Variants in SEMA6D observed in about 807,000 individuals in gnomAD.
The protein encoded by SEMA6D is semaphorin-6D.
SEMA6D carries 35 observed loss-of-function variants against 106.6 expected under a neutral mutation model. The ratio of observed to expected loss-of-function variants is 0.33; its 90% CI spans 0.25 to 0.44. The LOEUF (loss-of-function observed/expected upper bound fraction) is 0.44. Ranked by LOEUF, SEMA6D falls within the 20% of genes least tolerant of loss-of-function variation. SEMA6D has a pLI of 1.00. For missense variants in SEMA6D, 1,185 were observed against 1,345.9 expected (o/e 0.88, Z 1.87); for synonymous variants, 499 against 487.7 (o/e 1.02, Z -0.31).
At chr15:47,283,253 A>G (rs2035211773) in intron 1 of SEMA6D, among the ~76,000 whole-genome samples, 2 of 152,174 alleles carry the variant, frequency 1.3e-5, no homozygotes, top group Non-Finnish European at 2.9e-5. Flanking sequence ...AGGCACAATC[A>G]GCAGAAGGAA....
chr15:47,384,669 C>T (rs2039754825), intron 1 of SEMA6D, among the ~76,000 whole-genome samples: 1 of 152,164 alleles, frequency 6.6e-6, no homozygotes, highest in Non-Finnish European at 1.5e-5. Context: ...TCTGTGTCCC[C>T]CACCCTTATT....
chr15:47,327,612 T>C (rs974784615), intron 1 of SEMA6D, among the ~76,000 whole-genome samples: 3 of 152,178 alleles, frequency 2.0e-5, no homozygotes, highest in Non-Finnish European at 2.9e-5. Flanking sequence ...GTAGAAAATA[T>C]AAAAACAAGG....
chr15:47,744,999 G>A (rs753357636), intron 1 of SEMA6D, among the ~76,000 whole-genome samples: 1 of 152,182 alleles, frequency 6.6e-6, no homozygotes, highest in Non-Finnish European at 1.5e-5. Context: ...CAGATCCTTA[G>A]AGGCTGAGTT....
intron 3 of SEMA6D, among the ~76,000 whole-genome samples, chr15:47,573,473 C>G (rs2076100163): frequency 6.6e-6 from 1 of 152,168 alleles, no homozygotes. Context: ...TCTAAAGTGG[C>G]CTTTACGTCA....
intron 3 of SEMA6D, among the ~76,000 whole-genome samples, chr15:47,491,579 G>T (rs989099056): frequency 6.6e-6 from 1 of 152,134 alleles, no homozygotes; most frequent in Non-Finnish European, 1.5e-5. Flanking sequence ...GAATGGCAAG[G>T]TGCTCATTAA....
intron 1 of SEMA6D, chr15:47,399,552 G>C (rs1340450796): frequency 2.0e-5 from 3 of 152,194 alleles, no homozygotes; most frequent in African/African-American, 7.2e-5. Flanking sequence ...ACCAATAAAA[G>C]AGGATTTGCT....
intron 1 of SEMA6D, chr15:47,275,129 G>A (rs1030471616): frequency 1.3e-5 from 2 of 152,126 alleles, no homozygotes; most frequent in African/African-American, 4.8e-5. Flanking sequence ...CCAGTGGGAA[G>A]AAACAACACT....
intron 3 of SEMA6D, among the ~76,000 whole-genome samples, chr15:47,481,806 T>C (rs1184454196): frequency 6.6e-6 from 1 of 152,148 alleles, no homozygotes; most frequent in East Asian, 1.9e-4. Flanking sequence ...GCCTTACCTG[T>C]TTAAGATACA....
intron 1 of SEMA6D, chr15:47,730,994 A>C (rs1395876257): frequency 1.6e-6 from 1 of 623,266 alleles, no homozygotes. Context: ...CAGTACAATC[A>C]AATACCATGC....
At chr15:47,245,292 G>A (rs1437239923) in intron 1 of SEMA6D, among the ~76,000 whole-genome samples, 2 of 152,140 alleles carry the variant, frequency 1.3e-5, no homozygotes, top group African/African-American at 4.8e-5. Flanking sequence ...TTTCTACAGT[G>A]GCTGAGCTAA....
chr15:47,252,325 G>T (rs2033568707), intron 1 of SEMA6D, among the ~76,000 whole-genome samples: 1 of 152,030 alleles, frequency 6.6e-6, no homozygotes, highest in South Asian at 2.1e-4. Context: ...CAATACATGT[G>T]GACATTGTAA....
chr15:47,405,774 A>G (rs186856919), intron 1 of SEMA6D, among the ~76,000 whole-genome samples: 3 of 152,214 alleles, frequency 2.0e-5, no homozygotes, highest in East Asian at 1.9e-4. Flanking sequence ...TGCTTCTCTC[A>G]ATCATTCTTT....
intron 1 of SEMA6D, among the ~76,000 whole-genome samples, chr15:47,343,064 C>A (rs1372284714): frequency 6.6e-6 from 1 of 152,042 alleles, no homozygotes; most frequent in African/African-American, 2.4e-5. Flanking sequence ...CTTAGAGTTA[C>A]CTGTATCTTC....
In SEMA6D at chr15:47,222,000, C is replaced by T. The variant is rs187048830; in HGVS notation, c.-239+37582C>T. Among the ~76,000 whole-genome samples, 848 of 152,018 alleles carry T rather than the reference C, an allele frequency of 5.6e-3. 5 individuals carry two copies. Among genetic ancestry groups the T allele is most frequent in the African/African-American group, 0.02 (810 of 41,462 alleles). On this transcript the variant is annotated intron_variant, in intron 1 of 19. Coordinates refer to the SEMA6D transcript ENST00000558014. The stretch of plus-strand genomic sequence containing the variant: ...GCTTCATCACTGATGCACAAGCAAG[C>T]GCACACACACACACACGCACAGACA...
At chr15:47,507,401 A>G (rs2044084861) in intron 3 of SEMA6D, among the ~76,000 whole-genome samples, 1 of 128,066 alleles carries the variant, frequency 7.8e-6, no homozygotes, top group African/African-American at 3.0e-5. Context: ...CCTGAGTCGG[A>G]GACTGGCTTC....
At chr15:47,659,382 A>G (rs963872606) in intron 4 of SEMA6D, among the ~76,000 whole-genome samples, 34 of 152,006 alleles carry the variant, frequency 2.2e-4, no homozygotes, top group African/African-American at 7.7e-4. Flanking sequence ...TATTAGGAAA[A>G]CTAGCCAGTC....
At chr15:47,216,185 A>G (rs532534512) in intron 1 of SEMA6D, among the ~76,000 whole-genome samples, 22 of 152,290 alleles carry the variant, frequency 1.4e-4, no homozygotes, top group Admixed American at 1.3e-3. Context: ...ATCTGCATAA[A>G]ATTATAAAAA....
chr15:47,384,847 T>TTTTTTTTTTAA (rs1595879209), intron 1 of SEMA6D, among the ~76,000 whole-genome samples: 1 of 68,732 alleles, frequency 1.5e-5, no homozygotes, highest in African/African-American at 8.8e-5. Flanking sequence ...TTTTTTTTTG[T>TTTTTTTTTTAA]AAGAAAAAGA....
intron 1 of SEMA6D, among the ~76,000 whole-genome samples, chr15:47,267,482 A>G (rs2034372593): frequency 6.6e-6 from 1 of 151,970 alleles, no homozygotes; most frequent in South Asian, 2.1e-4. Flanking sequence ...TTCACTTAAG[A>G]GTACATTTCC....
Sources: gnomAD v4.1 joint callset for allele counts (sites outside exome capture counted in the v4.1 genomes callset) on GRCh38, gnomAD v4.1.1 for gene constraint, MANE v1.5 for transcripts, NCBI Gene and HGNC (gene_info 2026-07-23, HGNC 2026-07-21) for gene names.